The following CNTNAP2 variants were observed in gnomAD, a reference collection of about 807,000 sequenced individuals.
CNTNAP2 encodes contactin-associated protein-like 2.
In CNTNAP2, 98 loss-of-function variants were observed where a neutral mutation model predicts 155.2. The ratio of observed to expected loss-of-function variants is 0.63; its 90% CI spans 0.54 to 0.75. The LOEUF is 0.75. CNTNAP2 is among the 30% of genes least tolerant of loss of function. CNTNAP2 has a pLI of 0.00. For missense variants in CNTNAP2, 1,727 were observed against 1,688.1 expected, an observed-to-expected ratio of 1.02 and a Z score of -0.40; for synonymous variants, 651 against 631.2, an observed-to-expected ratio of 1.03 and a Z score of -0.47.
At chr7:147,962,981 A>G (rs1329987639) in intron 14 of CNTNAP2, among the ~76,000 whole-genome samples, 8 of 152,140 alleles carry the variant, frequency 5.3e-5, no homozygotes, top group African/African-American at 1.9e-4. Flanking sequence ...AAATGTGACA[A>G]TAAGATATAC....
intron 13 of CNTNAP2, among the ~76,000 whole-genome samples, chr7:147,848,570 G>C (rs537457490): frequency 6.6e-6 from 1 of 151,810 alleles, no homozygotes; most frequent in East Asian, 1.9e-4. Flanking sequence ...CGTCACTCAC[G>C]CTGGGAGCTG....
At chr7:146,820,819 A>C (rs968141331) in intron 2 of CNTNAP2, among the ~76,000 whole-genome samples, 3 of 152,144 alleles carry the variant, frequency 2.0e-5, no homozygotes, top group Admixed American at 6.6e-5. Context: ...GTAGGTCACT[A>C]AGGACTTCCT....
At chr7:146,763,079 C>T (rs145231003) in intron 1 of CNTNAP2, among the ~76,000 whole-genome samples, 152 of 152,258 alleles carry the variant, frequency 1.0e-3, no homozygotes, top group Middle Eastern at 3.4e-3. Context: ...TAAACCATAT[C>T]GATCCCCTAC....
intron 8 of CNTNAP2, among the ~76,000 whole-genome samples, chr7:147,243,650 C>T (rs1213518291): frequency 6.6e-6 from 1 of 152,150 alleles, no homozygotes; most frequent in African/African-American, 2.4e-5. Context: ...CTGGTCATTG[C>T]TTAACAATGC....
chr7:147,530,728 C>T (rs1467851563), intron 11 of CNTNAP2, among the ~76,000 whole-genome samples: 2 of 152,142 alleles, frequency 1.3e-5, no homozygotes, highest in African/African-American at 4.8e-5. Flanking sequence ...CCACTGACTC[C>T]TCCAAATCTC....
rs142199003 is a variant in CNTNAP2, at chr7:146,384,203, G to A, written c.97+267230G>A. Among the ~76,000 whole-genome samples, 11 of 152,318 alleles carry A rather than the reference G, an allele frequency of 7.2e-5. No homozygotes were observed. In the East Asian group the frequency reaches 2.1e-3, roughly 29 times the overall value. On this transcript the variant is annotated intron_variant, in intron 1 of 23. Coordinates refer to ENST00000361727, the MANE Select transcript of CNTNAP2 (RefSeq NM_014141.6). ...TAATGCAAAATGTGGTACATAAAGT[G>A]AATTGTGTGCTCCTCTTCCCAGAAA... is the stretch of plus-strand genomic sequence containing the variant.
chr7:147,281,730 G>C (rs1414040789), intron 8 of CNTNAP2, among the ~76,000 whole-genome samples: 2 of 151,680 alleles, frequency 1.3e-5, no homozygotes, highest in Non-Finnish European at 2.9e-5. Flanking sequence ...TATTCAAGAA[G>C]AATATTTCTT....
intron 1 of CNTNAP2, among the ~76,000 whole-genome samples, chr7:146,191,604 G>A (rs13224183): frequency 0.25 from 38,260 of 151,942 alleles, 5,052 homozygotes; most frequent in Middle Eastern, 0.34. Flanking sequence ...ATCTTCAACC[G>A]TATCAACCGT....
chr7:148,214,134 G>T (rs551652830), intron 18 of CNTNAP2, among the ~76,000 whole-genome samples: 4 of 152,096 alleles, frequency 2.6e-5, no homozygotes, highest in East Asian at 1.9e-4. Flanking sequence ...TGTTCCAGGG[G>T]GCCCTGTGTC....
chr7:147,387,633 G>C (rs984567374), intron 9 of CNTNAP2, among the ~76,000 whole-genome samples: 4 of 152,102 alleles, frequency 2.6e-5, no homozygotes, highest in African/African-American at 7.2e-5. Context: ...AGGTACATAA[G>C]AGGTTTTGAT....
intron 2 of CNTNAP2, among the ~76,000 whole-genome samples, chr7:146,832,928 TC>T (rs1294859899): frequency 6.6e-6 from 1 of 152,022 alleles, no homozygotes; most frequent in Non-Finnish European, 1.5e-5. Context: ...ACTCTTGACC[TC>T]AAGTGATCCA....
chr7:147,481,137 C>T (rs544522965), intron 10 of CNTNAP2, among the ~76,000 whole-genome samples: 47 of 152,230 alleles, frequency 3.1e-4, no homozygotes, highest in African/African-American at 1.1e-3. Flanking sequence ...TTAAAGGTAA[C>T]ACAAAGACAT....
chr7:146,914,250 A>G (rs751433276), intron 3 of CNTNAP2, among the ~76,000 whole-genome samples: 12 of 152,002 alleles, frequency 7.9e-5, no homozygotes, highest in Admixed American at 1.3e-4. Flanking sequence ...TGGTGATGCT[A>G]TAAACATATG....
Position 147,256,338 on chromosome 7 carries a change from G to A in CNTNAP2, c.1349-43803G>A, listed in dbSNP as rs185335470. ...GATTATAAAATTCAAAAAGCCTACCGAAGGGGTGTTGAGAGCTACACTTGA... is the reference window on the plus strand; with the variant it reads ...GATTATAAAATTCAAAAAGCCTACCAAAGGGGTGTTGAGAGCTACACTTGA... On this transcript the variant is annotated intron_variant, in intron 8 of 23. Transcript: ENST00000361727. Among the ~76,000 whole-genome samples, 94 of 152,160 alleles carry A rather than the reference G, an allele frequency of 6.2e-4. 2 individuals carry two copies. The South Asian group carries it at 0.015, about 24-fold the overall frequency.
chr7:148,079,473 G>A (rs1803556244), intron 15 of CNTNAP2, among the ~76,000 whole-genome samples: 1 of 152,140 alleles, frequency 6.6e-6, no homozygotes, highest in Admixed American at 6.5e-5. Context: ...ATTATACAAA[G>A]CCTACAGGTA....
intron 1 of CNTNAP2, among the ~76,000 whole-genome samples, chr7:146,168,675 C>G (rs573963162): frequency 1.3e-5 from 2 of 152,314 alleles, no homozygotes; most frequent in South Asian, 2.1e-4. Context: ...AAACACTTCT[C>G]TGTGCATCCA....
intron 13 of CNTNAP2, among the ~76,000 whole-genome samples, chr7:147,735,725 A>G (rs1320907438): frequency 6.6e-6 from 1 of 152,146 alleles, no homozygotes; most frequent in Non-Finnish European, 1.5e-5. Flanking sequence ...GTGCATATAT[A>G]TTTAAGATAG....
At chr7:148,351,495 A>T (rs1468185601) in intron 21 of CNTNAP2, among the ~76,000 whole-genome samples, 1 of 151,938 alleles carries the variant, frequency 6.6e-6, no homozygotes, top group Admixed American at 6.6e-5. Context: ...CTGTAATCCC[A>T]GTACTTTGGG....
intron 5 of CNTNAP2, among the ~76,000 whole-genome samples, chr7:147,109,688 CT>C (rs1250909104): frequency 6.6e-6 from 1 of 151,978 alleles, no homozygotes; most frequent in Non-Finnish European, 1.5e-5. Context: ...ATGGAGGTTA[CT>C]GTTAATTTCT....
Sources: gnomAD v4.1 joint callset for allele counts (sites outside exome capture counted in the v4.1 genomes callset) on GRCh38, gnomAD v4.1.1 for gene constraint, MANE v1.5 for transcripts, NCBI Gene and HGNC (gene_info 2026-07-23, HGNC 2026-07-21) for gene names.